UTRN: variants seen among roughly 807,000 people sequenced by gnomAD.
UTRN encodes dystrophin-related protein 1.
A neutral mutation model predicts 463.9 loss-of-function variants in UTRN; 283 were observed. That is an observed-to-expected ratio of 0.61 (90% CI 0.55 to 0.67). The LOEUF (loss-of-function observed/expected upper bound fraction) is 0.67, where lower values mean the gene tolerates loss of function less well. Ranked by LOEUF, UTRN falls within the 30% of genes least tolerant of loss-of-function variation. UTRN has a pLI of 0.00. For missense variants in UTRN, 3,922 were observed against 4,084.3 expected, an observed-to-expected ratio of 0.96 and a Z score of 1.08; for synonymous variants, 1,442 against 1,431.5, an observed-to-expected ratio of 1.01 and a Z score of -0.17.
At chr6:144,743,429 A>G (rs995279349) in intron 54 of UTRN, among the ~76,000 whole-genome samples, 12 of 152,222 alleles carry the variant, frequency 7.9e-5, no homozygotes, top group Non-Finnish European at 1.5e-4. Flanking sequence ...TCAAAGGAAG[A>G]GTTTTTTTTC....
intron 65 of UTRN, among the ~76,000 whole-genome samples, chr6:144,809,177 CTGACAG>C (rs1432745437): frequency 6.6e-6 from 1 of 152,012 alleles, no homozygotes; most frequent in Non-Finnish European, 1.5e-5. Flanking sequence ...CATACAATTG[CTGACAG>C]TGAGAGAGAA....
chr6:144,534,029 G>A (rs1164828305), intron 43 of UTRN, among the ~76,000 whole-genome samples: 1 of 151,912 alleles, frequency 6.6e-6, no homozygotes, highest in Non-Finnish European at 1.5e-5. Flanking sequence ...TAACTCTGTT[G>A]ATGAAGTATT....
chr6:144,766,789 T>G (rs1002456086), intron 58 of UTRN, among the ~76,000 whole-genome samples: 9 of 150,782 alleles, frequency 6.0e-5, no homozygotes, highest in South Asian at 4.2e-4. Context: ...GAGGTAGGGG[T>G]GTGTGTGTGT....
chr6:144,602,502 T>G (rs1412615639), intron 51 of UTRN, among the ~76,000 whole-genome samples: 2 of 152,164 alleles, frequency 1.3e-5, no homozygotes, highest in African/African-American at 4.8e-5. Flanking sequence ...AAAATACTTC[T>G]AAAACATTGA....
chr6:144,533,413 T>C (rs1797240037), intron 43 of UTRN, among the ~76,000 whole-genome samples, 153 bp downstream of exon 43: 1 of 152,216 alleles, frequency 6.6e-6, no homozygotes, highest in African/African-American at 2.4e-5. Flanking sequence ...TCTCCCTTCC[T>C]GTATTTTTAG....
At chr6:144,517,001 C>A (rs1379145018) in intron 39 of UTRN, 53 bp downstream of exon 39, 7 of 1,362,006 alleles carry the variant, frequency 5.1e-6, no homozygotes, top group Middle Eastern at 2.8e-4. Context: ...TTAACTCTTG[C>A]CATTCAGATG....
chr6:144,451,542 T>C, intron 18 of UTRN, 49 bp downstream of exon 18: 1 of 1,545,220 alleles, frequency 6.5e-7, no homozygotes, highest in Non-Finnish European at 8.7e-7. Context: ...TAGTTCATCA[T>C]GCTGGATTTT....
At chr6:144,571,612 G>C (rs1046756767) in intron 50 of UTRN, among the ~76,000 whole-genome samples, 1 of 151,988 alleles carries the variant, frequency 6.6e-6, no homozygotes, top group African/African-American at 2.4e-5. Context: ...TCCCTGCTTC[G>C]CCATTGAATT....
intron 65 of UTRN, among the ~76,000 whole-genome samples, chr6:144,813,654 C>T (rs973146339): frequency 6.6e-6 from 1 of 152,086 alleles, no homozygotes; most frequent in Non-Finnish European, 1.5e-5. Context: ...ATCCAGGTGG[C>T]GATAAGCCAC....
At position 144,839,276 on chromosome 6, in the gene UTRN, A is replaced by G. The variant is rs1781357643; in HGVS notation, c.10169A>G (p.His3390Arg). ...CCAGATGCCTCCGGCCCACAGTTCC[A>G]CCAGGCAGGTCGGTGTCCCCAGCAC... ...LDPDASGPQF[H>R]QAAGEDLLAP... The change falls in exon 72 of 75, where the codon CAC becomes CGC. Residue 3390 changes from histidine to arginine, a missense_variant. Around this residue, in one of 3 missense-constraint regions of UTRN, gnomAD observed 1,309 missense variants for 1,452.6 expected, o/e 0.90. Coordinates refer to ENST00000367545, the MANE Select transcript of UTRN (RefSeq NM_007124.3). 1 of 1,613,416 alleles carries G rather than the reference A, an allele frequency of 6.2e-7. No homozygotes were observed. The highest frequency in any genetic ancestry group is 1.3e-5 in the African/African-American group (1 of 75,048).
At position 144,661,958 on chromosome 6, in the gene UTRN, G is replaced by T. The variant is rs963308154; in HGVS notation, c.7480-16448G>T. Among the ~76,000 whole-genome samples the T allele has an allele frequency of 9.2e-5, 14 of 151,880 alleles. No homozygotes were observed. In the East Asian group the frequency reaches 2.5e-3, roughly 27 times the overall value. ...AATTGACAGTAGAAGATATCTACTG[G>T]CTTTTTCCTGTCAAAGGCTTGATTT... On this transcript the variant is annotated intron_variant, in intron 51 of 74. Transcript: ENST00000367545.
intron 65 of UTRN, among the ~76,000 whole-genome samples, chr6:144,811,324 G>GT (rs1222354896): frequency 6.6e-6 from 1 of 152,118 alleles, no homozygotes; most frequent in African/African-American, 2.4e-5. Flanking sequence ...AGGGTAGTTT[G>GT]TTTTTTGGCA....
At chr6:144,398,592 A>G in intron 2 of UTRN, 1 of 227,590 alleles carries the variant, frequency 4.4e-6, no homozygotes, top group Non-Finnish European at 8.7e-6. Flanking sequence ...AGGAGCTATG[A>G]TACATACACA....
At position 144,522,008 on chromosome 6, in the gene UTRN, G is replaced by A; in HGVS notation, c.5570G>A (p.Gly1857Asp). The A allele has an allele frequency of 6.3e-7, 1 of 1,575,908 alleles. No individual in the cohort carries two copies. Among genetic ancestry groups the A allele is most frequent in the Non-Finnish European group, 8.6e-7 (1 of 1,164,494 alleles). ...ATCCCTATTCAACAGAGGAAAATGG[G>A]TCAACTTGCTTCTGGAATTAGATCA... ...KAIPIQQRKMGQLASGIRSSL... is the reference protein window; with the variant it reads ...KAIPIQQRKMDQLASGIRSSL... The change falls in exon 40 of 75, where the codon GGT becomes GAT. Residue 1857 changes from glycine (G) to aspartate (D), a missense_variant. By Grantham distance (94) the Gly-to-Asp change is moderately conservative. Coordinates refer to ENST00000367545, the MANE Select transcript of UTRN (RefSeq NM_007124.3).
chr6:144,521,098 C>T (rs1231591724), intron 39 of UTRN, among the ~76,000 whole-genome samples: 1 of 152,050 alleles, frequency 6.6e-6, no homozygotes, highest in Non-Finnish European at 1.5e-5. Context: ...CCAGCCTGGC[C>T]AACATGGTGA....
At chr6:144,420,654 A>G (rs1562372251) in intron 3 of UTRN, among the ~76,000 whole-genome samples, 1 of 152,236 alleles carries the variant, frequency 6.6e-6, no homozygotes, top group African/African-American at 2.4e-5. Context: ...TTTTAAGCAC[A>G]AAAAGTATTT....
At chr6:144,321,461 CTTTTTTTTTTTTTTTTTT>C (rs529134208) in intron 2 of UTRN, among the ~76,000 whole-genome samples, 1 of 100,444 alleles carries the variant, frequency 1.0e-5, no homozygotes. Context: ...TGTGCCATAT[CTTTTTTTTTTTTTTTTTT>C]TTTTTTTTGA....
intron 62 of UTRN, among the ~76,000 whole-genome samples, chr6:144,789,489 G>T (rs1008847952): frequency 6.6e-6 from 1 of 152,140 alleles, no homozygotes; most frequent in Non-Finnish European, 1.5e-5. Flanking sequence ...TAACTAAGAG[G>T]TGAGGTGCCA....
chr6:144,637,847 T>C (rs1777344533), intron 51 of UTRN, among the ~76,000 whole-genome samples: 2 of 151,574 alleles, frequency 1.3e-5, no homozygotes, highest in Non-Finnish European at 3.0e-5. Context: ...GCCTCCACTT[T>C]CTGATTTAAT....
Sources: allele counts gnomAD v4.1 joint callset (sites outside exome capture counted in the v4.1 genomes callset), GRCh38; gene constraint gnomAD v4.1.1; regional missense constraint gnomAD v4.1.1; transcripts MANE v1.5; gene names NCBI Gene and HGNC (gene_info 2026-07-23, HGNC 2026-07-21).